INTS3: variants seen among roughly 807,000 people sequenced by gnomAD.
INTS3 encodes integrator complex subunit 3.
In INTS3, 34 loss-of-function variants were observed where a neutral mutation model predicts 146.3. The observed-to-expected ratio is 0.23, with a 90% CI of 0.18 to 0.31. INTS3 has a LOEUF of 0.31. Ranked by LOEUF, INTS3 falls within the 10% of genes least tolerant of loss-of-function variation. INTS3 has a pLI of 1.00. For synonymous variants in INTS3, 475 were observed against 494.9 expected, an observed-to-expected ratio of 0.96 and a Z score of 0.53; for missense variants, 757 against 1,304.2, an observed-to-expected ratio of 0.58 and a Z score of 6.46.
intron 3 of INTS3, among the ~76,000 whole-genome samples, chr1:153,742,811 T>C (rs938262460): frequency 1.3e-5 from 2 of 152,236 alleles, no homozygotes; most frequent in East Asian, 1.9e-4. Context: ...CTTTTTGCCC[T>C]ATAACAGCCC....
chr1:153,757,815 C>A lies in INTS3; in HGVS notation c.1149+52C>A. On this transcript the variant is annotated intron_variant, in intron 10 of 29. Transcript: ENST00000318967. This position sits in a 1 kb window ranked among gnomAD's most constrained non-coding sequence, Gnocchi z 4.0. Reference sequence around the variant, plus strand: ...AAGGGTGCCTCTTCCATGGTGTTCCCATGTTTCCATTCTTCTTCCTGACTC... The same window carrying A: ...AAGGGTGCCTCTTCCATGGTGTTCCAATGTTTCCATTCTTCTTCCTGACTC... 6.7e-7 allele frequency: 1 copy of A among 1,500,014 alleles called. No individual in the cohort carries two copies. The highest frequency in any genetic ancestry group is 2.3e-5 in the East Asian group (1 of 43,994). 92.9% of individuals were successfully genotyped at this position (1,500,014 alleles called of 1,614,324 possible). A position where few individuals can be genotyped will look rare whatever the true frequency, so the allele number is the denominator to read the frequency against.
At chr1:153,759,634 G>C (rs545384604) in intron 11 of INTS3, 21 bp downstream of exon 11, 21 of 1,508,426 alleles carry the variant, frequency 1.4e-5, no homozygotes, top group Middle Eastern at 1.7e-4. Flanking sequence ...AAGACCAGGC[G>C]GCTCCACTTC....
At position 153,763,240 on chromosome 1, in the gene INTS3, G is replaced by A. The variant is rs765756057; in HGVS notation, c.1644G>A (p.Lys548=). ...DEEDLNSKGK[K]REFRFHPIKE... ...CCAAATCACTCCCTTTAGGAAAGAA[G>A]AGGGAGTTTCGCTTCCACCCTATCA... is the stretch of plus-strand genomic sequence containing the variant. Residue 548 remains lysine (K), a synonymous_variant, in exon 16 of 30, where the codon AAG becomes AAA. Transcript: ENST00000318967. 2 of 1,614,234 alleles carry A rather than the reference G, an allele frequency of 1.2e-6. No individual in the cohort carries two copies. The highest frequency in any genetic ancestry group is 2.2e-5 in the South Asian group (2 of 91,088).
chr1:153,765,806 G>A (rs923903820), intron 20 of INTS3, among the ~76,000 whole-genome samples: 2 of 152,238 alleles, frequency 1.3e-5, no homozygotes, highest in Non-Finnish European at 2.9e-5. Context: ...CCGACCTCAG[G>A]TGATCCACCC....
intron 1 of INTS3, among the ~76,000 whole-genome samples, 170 bp downstream of exon 1, chr1:153,728,954 G>A (rs1670964464): frequency 6.6e-6 from 1 of 152,092 alleles, no homozygotes; most frequent in African/African-American, 2.4e-5. Context: ...AGAAATGTGG[G>A]CCAACTTCCT....
At chr1:153,739,873 C>T (rs920187842) in intron 1 of INTS3, among the ~76,000 whole-genome samples, 4 of 151,680 alleles carry the variant, frequency 2.6e-5, no homozygotes, top group African/African-American at 9.7e-5. Context: ...CTGCTCACTG[C>T]AACCTCTGCC....
rs375614241 is a variant in INTS3, at chr1:153,764,919, C to T, written c.1971-25C>T. ...GTCTGCCCTGGGTAAAGTTCTGTTC[C>T]TCTCCTCCCATGCCCCACCTCCAGG... On this transcript the variant is annotated intron_variant, in intron 19 of 29. Transcript: ENST00000318967. 4.3e-6 allele frequency: 7 copies of T among 1,613,872 alleles called. No homozygotes were observed. The African/African-American group carries it at 9.3e-5, about 22-fold the overall frequency.
At chr1:153,771,272 ATCCTTCCTACCTTTCTGCCT>A (rs1044969685) in intron 25 of INTS3, among the ~76,000 whole-genome samples, 2 of 152,180 alleles carry the variant, frequency 1.3e-5, no homozygotes, top group African/African-American at 2.4e-5. Flanking sequence ...TGTGTATCTT[ATCCTTCCTACCTTTCTGCCT>A]TCCTTCCACC....
At chr1:153,760,964 T>C in intron 13 of INTS3, 46 bp downstream of exon 13, 2 of 1,590,158 alleles carry the variant, frequency 1.3e-6, no homozygotes, top group Non-Finnish European at 1.7e-6. Context: ...CATTTTTCAT[T>C]AGGTCCAGGT....
intron 25 of INTS3, 56 bp from the exon 26 acceptor site, chr1:153,771,740 C>G: frequency 6.5e-7 from 1 of 1,536,520 alleles, no homozygotes. Context: ...GGGAGAGACC[C>G]AGCATGCCCT....
rs1670931670 is a variant in INTS3, at chr1:153,728,293, C to T, written c.-342C>T. On this transcript the variant is annotated 5_prime_UTR_variant, in exon 1 of 30. Transcript: ENST00000318967. ...AGGCAGAAACTTAGGGGTTTCCCTC[C>T]TTTCTTAGGGTCAGACGCTCTTAGG... 7.7e-6 allele frequency: 3 copies of T among 391,718 alleles called. No individual in the cohort carries two copies. Among genetic ancestry groups the T allele is most frequent in the Non-Finnish European group, 9.0e-6 (2 of 222,130 alleles). The allele number at this position is 391,718 out of a possible 1,614,324, so 24.3% of individuals were successfully genotyped here.
chr1:153,772,592 G>A lies in INTS3; in HGVS notation c.2822-47G>A, dbSNP rs1672944422. The A allele has an allele frequency of 6.2e-7, 1 of 1,613,724 alleles. No individual in the cohort carries two copies. Among genetic ancestry groups the A allele is most frequent in the Non-Finnish European group, 8.5e-7 (1 of 1,179,814 alleles). ...GTGCGTGCTGTTTAATAAGCTCCCAGACATCTGATTGTTTTTCCTTCCCTG... is the reference window on the plus strand; with the variant it reads ...GTGCGTGCTGTTTAATAAGCTCCCAAACATCTGATTGTTTTTCCTTCCCTG... On this transcript the variant is annotated intron_variant, in intron 27 of 29. Transcript: ENST00000318967. This position sits in a 1 kb window ranked among gnomAD's most constrained non-coding sequence, Gnocchi z 4.6.
intron 20 of INTS3, chr1:153,767,277 C>T (rs923540729): frequency 1.2e-5 from 2 of 171,472 alleles, no homozygotes; most frequent in Non-Finnish European, 2.5e-5. Context: ...TTAATTCTTA[C>T]ATTTAGGCCT....
In INTS3 at chr1:153,763,282, G is replaced by A; in HGVS notation, c.1686G>A (p.Glu562=). The stretch of plus-strand genomic sequence containing the variant: ...ACCCTATCAAGGAGACAGTTGTGGA[G>A]GAGCCAGTTGATATCACCCCTTACC... The part of the protein sequence containing the change: ...RFHPIKETVV[E]EPVDITPYLD... Residue 562 remains glutamate (E), a synonymous_variant, in exon 16 of 30, where the codon GAG becomes GAA. Coordinates refer to ENST00000318967, the MANE Select transcript of INTS3 (RefSeq NM_023015.5). 1 of 1,614,210 alleles carries A rather than the reference G, an allele frequency of 6.2e-7. No homozygotes were observed. Among genetic ancestry groups the A allele is most frequent in the South Asian group, 1.1e-5 (1 of 91,086 alleles).
At chr1:153,745,547 C>T (rs111947382) in intron 3 of INTS3, among the ~76,000 whole-genome samples, 1,946 of 151,818 alleles carry the variant, frequency 0.013, 54 homozygotes, top group African/African-American at 0.044. Flanking sequence ...AGTTTCTACT[C>T]TTTCTGATGA....
rs771105668 is a variant in INTS3 at position 153,770,350 on chromosome 1, C to T, written c.2503+39C>T. 4 of 1,234,802 alleles carry T rather than the reference C, an allele frequency of 3.2e-6. No individual in the cohort carries two copies. The East Asian group carries it at 6.9e-5, about 21-fold the overall frequency. The allele number at this position is 1,234,802 out of a possible 1,614,324, so 76.5% of individuals were successfully genotyped here. On this transcript the variant is annotated intron_variant, in intron 24 of 29. Coordinates refer to ENST00000318967, the MANE Select transcript of INTS3 (RefSeq NM_023015.5). Reference sequence around the variant, plus strand: ...TGGGTAGGGAGCACATCAGATATGACACTTCCTATACAGTTAGGGCAAGGC... The same window carrying T: ...TGGGTAGGGAGCACATCAGATATGATACTTCCTATACAGTTAGGGCAAGGC...
chr1:153,772,026 T>C lies in INTS3; in HGVS notation c.2720+63T>C. 7 of 1,245,482 alleles carry C rather than the reference T, an allele frequency of 5.6e-6. No homozygotes were observed. The highest frequency in any genetic ancestry group is 3.2e-5 in the African/African-American group (2 of 62,356). The allele number at this position is 1,245,482 out of a possible 1,614,324, so 77.2% of individuals were successfully genotyped here. On this transcript the variant is annotated intron_variant, in intron 26 of 29. Coordinates refer to ENST00000318967, the MANE Select transcript of INTS3 (RefSeq NM_023015.5). The surrounding 1 kb of genome is among the most constrained non-coding windows in gnomAD (Gnocchi z 4.6). ...GGTCTGCAGTGATTGCTGTCGGTGG[T>C]GGTGGTGGTGGTGGTGGTGGTGGTG...
chr1:153,760,962 A>C, intron 13 of INTS3, 44 bp downstream of exon 13: 3 of 1,593,482 alleles, frequency 1.9e-6, no homozygotes. Flanking sequence ...CCCATTTTTC[A>C]TTAGGTCCAG....
chr1:153,760,984 T>C, intron 13 of INTS3, 66 bp downstream of exon 13: 1 of 1,585,266 alleles, frequency 6.3e-7, no homozygotes, highest in Non-Finnish European at 8.7e-7. Context: ...TGTATCCAAA[T>C]GTTGCCATAG....
Sources: gnomAD v4.1 joint callset for allele counts (sites outside exome capture counted in the v4.1 genomes callset) on GRCh38, gnomAD v4.1.1 for gene constraint, Gnocchi (gnomAD v3.1) non-coding constraint, MANE v1.5 for transcripts, NCBI Gene and HGNC (gene_info 2026-07-23, HGNC 2026-07-21) for gene names.